The following MRTFA variants were observed in gnomAD, a reference collection of about 807,000 sequenced individuals.
The protein encoded by MRTFA is myocardin related transcription factor A, also known as myocardin-related transcription factor A.
MRTFA carries 20 observed loss-of-function variants against 83.5 expected under a neutral mutation model. The ratio of observed to expected loss-of-function variants is 0.24; its 90% CI spans 0.17 to 0.35. The LOEUF (loss-of-function observed/expected upper bound fraction) is 0.35. MRTFA is among the 10% of genes least tolerant of loss of function. The pLI, the probability that MRTFA is intolerant of heterozygous loss-of-function variation, is 1.00. For missense variants in MRTFA, 1,200 were observed against 1,224.7 expected (o/e 0.98, Z 0.30); for synonymous variants, 659 against 541.2 (o/e 1.22, Z -3.02).
chr22:40,538,604 G>A lies in MRTFA; in HGVS notation c.241+13502C>T, dbSNP rs75642467. 3.1e-3 allele frequency among the ~76,000 whole-genome samples: 466 copies of A among 152,002 alleles called. 2 individuals are homozygous for A. The highest frequency in any genetic ancestry group is 0.011 in the African/African-American group (447 of 41,442). On this transcript the variant is annotated intron_variant, in intron 3 of 14. Transcript: ENST00000355630. ...AAAAAAAAATTAAACAAGAAGCAAT[G>A]TAATCTTTCCCAATTGCTAAGATTT...
At chr22:40,492,742 G>T (rs1159178347) in intron 3 of MRTFA, among the ~76,000 whole-genome samples, 1 of 152,126 alleles carries the variant, frequency 6.6e-6, no homozygotes, top group African/African-American at 2.4e-5. Context: ...AAAGCAGAGG[G>T]GGGAGGTACC....
intron 7 of MRTFA, among the ~76,000 whole-genome samples, chr22:40,425,345 A>T (rs1231576022): frequency 6.6e-6 from 1 of 152,254 alleles, no homozygotes; most frequent in Non-Finnish European, 1.5e-5. Flanking sequence ...CCATCCATAC[A>T]GAAGGAACTG....
At chr22:40,543,521 G>C in intron 3 of MRTFA, among the ~76,000 whole-genome samples, 1 of 152,132 alleles carries the variant, frequency 6.6e-6, no homozygotes, top group Non-Finnish European at 1.5e-5. Context: ...CAGCACCTCA[G>C]ATTACAGACA....
intron 1 of MRTFA, among the ~76,000 whole-genome samples, chr22:40,597,475 T>G (rs760237792): frequency 1.1e-4 from 16 of 152,228 alleles, no homozygotes; most frequent in Non-Finnish European, 1.5e-4. Flanking sequence ...TGGTTGGTGA[T>G]CTTTCTTACT....
chr22:40,583,565 G>T (rs969045185), intron 2 of MRTFA, among the ~76,000 whole-genome samples: 3 of 152,192 alleles, frequency 2.0e-5, no homozygotes, highest in African/African-American at 7.2e-5. Context: ...TGGCCTGTTA[G>T]GAACCAGGCC....
intron 3 of MRTFA, chr22:40,519,430 G>A (rs1050175318): frequency 1.5e-6 from 2 of 1,332,024 alleles, no homozygotes; most frequent in African/African-American, 3.0e-5. Context: ...TCAGGGTTGA[G>A]AGATGAAGGC....
rs1555972968 is a variant in MRTFA, at chr22:40,457,477, A to AGAAAGAAG, written c.307+5743_307+5744insCTTCTTTC. Among the ~76,000 whole-genome samples, 11 of 145,874 alleles carry AGAAAGAAG rather than the reference A, an allele frequency of 7.5e-5. No individual in the cohort carries two copies. In the East Asian group the frequency reaches 2.5e-3, roughly 34 times the overall value. On this transcript the variant is annotated intron_variant, in intron 4 of 14. Coordinates refer to ENST00000355630, the MANE Select transcript of MRTFA (RefSeq NM_020831.6). The stretch of plus-strand genomic sequence containing the variant: ...AAGAAAGAAAGAAAGAAAGAAAGAA[A>AGAAAGAAG]GAAAGAAAGAAGGAAAGAAAGAAAG...
In MRTFA at chr22:40,411,448, A is replaced by G; in HGVS notation, c.3038T>C (p.Phe1013Ser). The G allele has an allele frequency of 1.3e-6, 2 of 1,593,034 alleles. No homozygotes were observed. Among genetic ancestry groups the G allele is most frequent in the Non-Finnish European group, 1.7e-6 (2 of 1,163,902 alleles). The change falls in exon 15 of 15, where the codon TTC (phenylalanine) becomes TCC (serine). Residue 1013 changes from phenylalanine to serine, a missense_variant. Phe to Ser is a radical substitution (Grantham distance 155, BLOSUM62 -2). Transcript: ENST00000355630. ...ATGGCCATCGAGGAAGTCTGTGGAG[A>G]AGAGGCTGGGGGCTGTGGTGCTGAG...
At chr22:40,503,174 G>T (rs1006959463) in intron 3 of MRTFA, among the ~76,000 whole-genome samples, 1 of 152,210 alleles carries the variant, frequency 6.6e-6, no homozygotes, top group African/African-American at 2.4e-5. Flanking sequence ...ATGCAGAACT[G>T]AACTAACAAG....
At chr22:40,448,469 T>C (rs1220456412) in intron 4 of MRTFA, among the ~76,000 whole-genome samples, 1 of 152,058 alleles carries the variant, frequency 6.6e-6, no homozygotes, top group Admixed American at 6.6e-5. Flanking sequence ...ACTAGACCTG[T>C]CTCTAAATAA....
chr22:40,433,886 G>A (rs1055094298), intron 5 of MRTFA, among the ~76,000 whole-genome samples: 1 of 152,158 alleles, frequency 6.6e-6, no homozygotes, highest in African/African-American at 2.4e-5. Context: ...AGATGTGCAT[G>A]GTAAGCAAAT....
chr22:40,615,675 T>C (rs117084745), intron 1 of MRTFA, among the ~76,000 whole-genome samples: 2,379 of 147,186 alleles, frequency 0.016, 23 homozygotes, highest in Non-Finnish European at 0.026. Context: ...AAAGGTCCTA[T>C]ATTTTCTTTT....
chr22:40,570,092 G>A (rs1178406651), intron 2 of MRTFA, among the ~76,000 whole-genome samples: 1 of 152,072 alleles, frequency 6.6e-6, no homozygotes, highest in East Asian at 1.9e-4. Context: ...GACAGGCCTG[G>A]GAGGTTGTTG....
intron 1 of MRTFA, among the ~76,000 whole-genome samples, chr22:40,632,043 T>C (rs1011401973): frequency 6.6e-6 from 1 of 152,228 alleles, no homozygotes; most frequent in Admixed American, 6.5e-5. Flanking sequence ...TGATGGTATG[T>C]GACTTCTGAA....
In MRTFA at chr22:40,463,201, T is replaced by TGA. The variant is rs142278087; in HGVS notation, c.307+18_307+19dup. 1.2e-5 allele frequency: 19 copies of TGA among 1,609,882 alleles called. No individual in the cohort carries two copies. The highest frequency in any genetic ancestry group is 3.3e-5 in the Admixed American group (2 of 59,944). ...GTCCTAAAAGCAATCTACCAAATGC[T>TGA]GAGAGAGAGAGGCACTTACGCGGCA... is the stretch of plus-strand genomic sequence containing the variant. On this transcript the variant is annotated intron_variant, in intron 4 of 14. Transcript: ENST00000355630.
chr22:40,436,487 C>T (rs1006261405), intron 4 of MRTFA, among the ~76,000 whole-genome samples: 2 of 152,120 alleles, frequency 1.3e-5, no homozygotes, highest in African/African-American at 2.4e-5. Context: ...CACACACAAC[C>T]GACAGCTGAG....
chr22:40,571,151 A>C (rs2055787227), intron 2 of MRTFA, among the ~76,000 whole-genome samples: 1 of 151,730 alleles, frequency 6.6e-6, no homozygotes, highest in Non-Finnish European at 1.5e-5. Flanking sequence ...TCAAGGTTGC[A>C]GTAAGCCTTG....
chr22:40,597,185 C>T (rs1450431668), intron 1 of MRTFA, among the ~76,000 whole-genome samples: 1 of 152,164 alleles, frequency 6.6e-6, no homozygotes, highest in African/African-American at 2.4e-5. Flanking sequence ...GTAACAGGTG[C>T]TCATTATATA....
At chr22:40,507,634 G>A (rs549577193) in intron 3 of MRTFA, among the ~76,000 whole-genome samples, 1 of 151,544 alleles carries the variant, frequency 6.6e-6, no homozygotes, top group African/African-American at 2.4e-5. Context: ...AAAAAAAATT[G>A]TCCTAGATTA....
Sources: allele counts gnomAD v4.1 joint callset (sites outside exome capture counted in the v4.1 genomes callset), GRCh38; gene constraint gnomAD v4.1.1; transcripts MANE v1.5; gene names NCBI Gene and HGNC (gene_info 2026-07-23, HGNC 2026-07-21).